The following MAN1A1 variants were observed in gnomAD, a reference collection of about 807,000 sequenced individuals.
MAN1A1 encodes mannosyl-oligosaccharide 1,2-alpha-mannosidase IA.
Under a neutral mutation model 70.8 loss-of-function variants are expected in MAN1A1, and 29 were observed. That is an observed-to-expected ratio of 0.41 (90% CI 0.31 to 0.56). The LOEUF (loss-of-function observed/expected upper bound fraction) is 0.56. Among genes scored for constraint, MAN1A1 ranks in the 20% least tolerant of loss-of-function variants. The pLI is 0.29. For missense variants in MAN1A1, 747 were observed against 841.3 expected (o/e 0.89, Z 1.39); for synonymous variants, 349 against 330.1 (o/e 1.06, Z -0.62).
At chr6:119,233,333 A>G (rs1412020905) in intron 6 of MAN1A1, among the ~76,000 whole-genome samples, 3 of 152,226 alleles carry the variant, frequency 2.0e-5, no homozygotes, top group African/African-American at 7.2e-5. Flanking sequence ...AAGTGGAGAA[A>G]ATTAATACAA....
intron 2 of MAN1A1, among the ~76,000 whole-genome samples, chr6:119,312,059 G>A (rs1048158430): frequency 2.6e-5 from 4 of 152,098 alleles, no homozygotes; most frequent in Admixed American, 6.6e-5. Flanking sequence ...ATAACAGTCC[G>A]CTGTTTGTCA....
At chr6:119,184,408 T>G (rs1421297833) in intron 11 of MAN1A1, among the ~76,000 whole-genome samples, 1 of 152,116 alleles carries the variant, frequency 6.6e-6, no homozygotes, top group Non-Finnish European at 1.5e-5. Context: ...ATGAGTTAAA[T>G]CCTAAGTCAG....
intron 6 of MAN1A1, among the ~76,000 whole-genome samples, chr6:119,239,581 T>C (rs1774948378): frequency 6.6e-6 from 1 of 152,236 alleles, no homozygotes; most frequent in Non-Finnish European, 1.5e-5. Flanking sequence ...TTTACAATGA[T>C]TAACAATTAT....
At chr6:119,267,739 T>A (rs549257996) in intron 5 of MAN1A1, among the ~76,000 whole-genome samples, 147 of 152,338 alleles carry the variant, frequency 9.6e-4, no homozygotes, top group Middle Eastern at 3.4e-3. Context: ...CTATCTTATA[T>A]GGTTTTAGCA....
At chr6:119,302,172 C>A in intron 3 of MAN1A1, 69 bp from the exon 4 acceptor site, 1 of 714,936 alleles carries the variant, frequency 1.4e-6, no homozygotes. Flanking sequence ...TTGACCATAA[C>A]TAAGAAAGGG....
chr6:119,291,137 G>C (rs1776531788), intron 4 of MAN1A1, among the ~76,000 whole-genome samples: 1 of 152,036 alleles, frequency 6.6e-6, no homozygotes, highest in South Asian at 2.1e-4. Context: ...CTGAATCATG[G>C]GGAGGGGTCT....
At chr6:119,261,442 A>G in intron 5 of MAN1A1, among the ~76,000 whole-genome samples, 1 of 152,252 alleles carries the variant, frequency 6.6e-6, no homozygotes, top group Non-Finnish European at 1.5e-5. Context: ...CTTAGGCACC[A>G]AGTTGCACAA....
chr6:119,197,273 C>T (rs1466158447), intron 8 of MAN1A1, among the ~76,000 whole-genome samples: 2 of 151,060 alleles, frequency 1.3e-5, no homozygotes, highest in African/African-American at 4.9e-5. Flanking sequence ...CTGCACACTA[C>T]CCTGGGCGAC....
intron 5 of MAN1A1, among the ~76,000 whole-genome samples, chr6:119,264,867 G>A (rs1394449318): frequency 1.3e-5 from 2 of 152,084 alleles, no homozygotes; most frequent in African/African-American, 2.4e-5. Context: ...GGTAGTTTAT[G>A]GGTAAAATAC....
intron 5 of MAN1A1, among the ~76,000 whole-genome samples, chr6:119,261,988 G>A (rs1196302623): frequency 6.6e-6 from 1 of 152,172 alleles, no homozygotes; most frequent in Non-Finnish European, 1.5e-5. Context: ...GGGTTAAAAG[G>A]GAAATAACAG....
At chr6:119,207,348 A>G (rs1420673768) in intron 6 of MAN1A1, among the ~76,000 whole-genome samples, 1 of 152,224 alleles carries the variant, frequency 6.6e-6, no homozygotes, top group Non-Finnish European at 1.5e-5. Context: ...AAGTATGTTC[A>G]TATGAAAGGA....
intron 6 of MAN1A1, among the ~76,000 whole-genome samples, chr6:119,241,837 A>G (rs2114308127): frequency 6.6e-6 from 1 of 152,164 alleles, no homozygotes; most frequent in Admixed American, 6.6e-5. Flanking sequence ...AAATGCCAGA[A>G]TTTTATCCCC....
chr6:119,290,308 A>G, intron 5 of MAN1A1, among the ~76,000 whole-genome samples: 1 of 152,072 alleles, frequency 6.6e-6, no homozygotes, highest in East Asian at 1.9e-4. Context: ...CATTTAAAAA[A>G]GTTTTTATTT....
chr6:119,349,358 C>T lies in MAN1A1; in HGVS notation c.-222-71G>A. ...AAGTTTCCAGCGGGTCTCCGCCCTC[C>T]GACTCCTGGCGAGCCTCCAGGACCG... On this transcript the variant is annotated intron_variant, in intron 1 of 12. Transcript: ENST00000368468. 3.8e-6 allele frequency: 4 copies of T among 1,064,792 alleles called. No homozygotes were observed. In the South Asian group the frequency reaches 1.4e-4, roughly 37 times the overall value. The allele number at this position is 1,064,792 out of a possible 1,614,324, so 66.0% of individuals were successfully genotyped here.
chr6:119,227,629 G>A (rs995375670), intron 6 of MAN1A1, among the ~76,000 whole-genome samples: 3 of 152,092 alleles, frequency 2.0e-5, no homozygotes, highest in African/African-American at 7.2e-5. Context: ...ACCACCATGA[G>A]CAGCTATTTT....
At chr6:119,257,772 A>G (rs953104796) in intron 5 of MAN1A1, among the ~76,000 whole-genome samples, 3 of 152,042 alleles carry the variant, frequency 2.0e-5, no homozygotes, top group Admixed American at 2.0e-4. Flanking sequence ...AGTGTACCAC[A>G]TGTGTTATTG....
At chr6:119,278,755 A>C (rs987035071) in intron 5 of MAN1A1, among the ~76,000 whole-genome samples, 1 of 151,964 alleles carries the variant, frequency 6.6e-6, no homozygotes. Context: ...CTTGGTGATG[A>C]ATGAGTTCTT....
intron 6 of MAN1A1, among the ~76,000 whole-genome samples, chr6:119,232,233 C>T (rs1002851262): frequency 3.2e-4 from 48 of 151,924 alleles, no homozygotes; most frequent in Middle Eastern, 3.4e-3. Flanking sequence ...ATTAGCCGGG[C>T]GTGGTGGTGG....
intron 5 of MAN1A1, among the ~76,000 whole-genome samples, chr6:119,267,792 T>A (rs960111985): frequency 6.6e-6 from 1 of 152,186 alleles, no homozygotes; most frequent in Non-Finnish European, 1.5e-5. Context: ...TCATGATCAT[T>A]TCAAAAAAGG....
Sources: allele counts gnomAD v4.1 joint callset (sites outside exome capture counted in the v4.1 genomes callset), GRCh38; gene constraint gnomAD v4.1.1; transcripts MANE v1.5; gene names NCBI Gene and HGNC (gene_info 2026-07-23, HGNC 2026-07-21).